TRAPPC9: variants seen among roughly 807,000 people sequenced by gnomAD.
TRAPPC9 encodes the protein IKK2 binding protein.
A neutral mutation model predicts 124.0 loss-of-function variants in TRAPPC9; 83 were observed. That is an observed-to-expected ratio of 0.67 (90% CI 0.56 to 0.80). TRAPPC9 has a LOEUF of 0.80. TRAPPC9 is among the 30% of genes least tolerant of loss of function. The pLI is 0.00. For missense variants in TRAPPC9, 1,302 were observed against 1,508.3 expected, an observed-to-expected ratio of 0.86 and a Z score of 2.27; for synonymous variants, 638 against 617.5, an observed-to-expected ratio of 1.03 and a Z score of -0.49.
intron 19 of TRAPPC9, among the ~76,000 whole-genome samples, chr8:139,954,610 T>C (rs1834861625): frequency 6.6e-6 from 1 of 152,250 alleles, no homozygotes; most frequent in Non-Finnish European, 1.5e-5. Flanking sequence ...CTAAATCATC[T>C]AAATGGCCAT....
chr8:140,364,185 C>T (rs922268945), intron 8 of TRAPPC9, among the ~76,000 whole-genome samples: 24 of 148,442 alleles, frequency 1.6e-4, no homozygotes, highest in Middle Eastern at 3.5e-3. Flanking sequence ...TAACTGGCCC[C>T]GGGACAGGAA....
At chr8:140,419,212 A>G (rs1298868647) in intron 5 of TRAPPC9, among the ~76,000 whole-genome samples, 1 of 152,030 alleles carries the variant, frequency 6.6e-6, no homozygotes, top group Non-Finnish European at 1.5e-5. Flanking sequence ...GTGGATCAGG[A>G]GGTCAGGAGA....
At chr8:140,033,673 T>TTTTTTTTTTTTG in intron 17 of TRAPPC9, among the ~76,000 whole-genome samples, 1 of 76,732 alleles carries the variant, frequency 1.3e-5, no homozygotes, top group Non-Finnish European at 2.6e-5. Flanking sequence ...TTTTTTTTTT[T>TTTTTTTTTTTTG]TTTTTTTTTT....
chr8:139,748,533 G>C (rs900470958), intron 21 of TRAPPC9, among the ~76,000 whole-genome samples: 13 of 151,016 alleles, frequency 8.6e-5, no homozygotes, highest in Admixed American at 7.2e-4. Flanking sequence ...GTGAGGGTGT[G>C]CAGGGGTCAG....
chr8:139,798,444 T>C lies in TRAPPC9; in HGVS notation c.3056-66242A>G, dbSNP rs76463031. ...GAAGATTCTGGAGATACTGGGGACATTGAAATCAGAAGGGGGTTGATGTGT... is the reference window on the plus strand; with the variant it reads ...GAAGATTCTGGAGATACTGGGGACACTGAAATCAGAAGGGGGTTGATGTGT... On this transcript the variant is annotated intron_variant, in intron 21 of 22. Transcript: ENST00000438773. 4.1e-3 allele frequency among the ~76,000 whole-genome samples: 631 copies of C among 152,308 alleles called. 9 individuals are homozygous for C. Among genetic ancestry groups the C allele is most frequent in the African/African-American group, 0.015 (619 of 41,548 alleles).
intron 16 of TRAPPC9, among the ~76,000 whole-genome samples, chr8:140,237,091 G>A (rs1156686962): frequency 6.6e-6 from 1 of 152,140 alleles, no homozygotes; most frequent in East Asian, 1.9e-4. Context: ...TGAGGCAGGA[G>A]AATCACTTGA....
chr8:140,115,140 C>T (rs947638407), intron 17 of TRAPPC9, among the ~76,000 whole-genome samples: 3 of 152,156 alleles, frequency 2.0e-5, no homozygotes, highest in African/African-American at 4.8e-5. Flanking sequence ...CCTTGATTCT[C>T]GAATTCTGGT....
chr8:140,289,972 C>A (rs1036119217), intron 12 of TRAPPC9, among the ~76,000 whole-genome samples: 5 of 152,188 alleles, frequency 3.3e-5, no homozygotes, highest in African/African-American at 1.2e-4. Context: ...CAACAGCCAC[C>A]ACGTGTCCAC....
intron 21 of TRAPPC9, among the ~76,000 whole-genome samples, chr8:139,830,282 AGCATACACATGCACACACACTACACAT>A (rs1825895083): frequency 2.3e-5 from 3 of 133,270 alleles, no homozygotes; most frequent in African/African-American, 3.7e-5. Flanking sequence ...CACACAAATG[AGCATACACATGCACACACACTACACAT>A]GCACACACAT....
chr8:139,968,576 G>T (rs900641091), intron 19 of TRAPPC9, among the ~76,000 whole-genome samples: 1 of 152,244 alleles, frequency 6.6e-6, no homozygotes, highest in African/African-American at 2.4e-5. Context: ...GGGAGACGTT[G>T]TCTACTCCGG....
chr8:140,412,071 T>C (rs1364264896), intron 5 of TRAPPC9, among the ~76,000 whole-genome samples: 1 of 152,226 alleles, frequency 6.6e-6, no homozygotes, highest in African/African-American at 2.4e-5. Context: ...ACTTATTATT[T>C]ACATCGAGAA....
chr8:140,046,911 G>A (rs958500409), intron 17 of TRAPPC9, among the ~76,000 whole-genome samples: 1 of 152,230 alleles, frequency 6.6e-6, no homozygotes, highest in Admixed American at 6.5e-5. Flanking sequence ...TCTGTAAAAT[G>A]GGACAGATAT....
Position 140,357,767 on chromosome 8 carries a change from C to T in TRAPPC9, c.1495+2283G>A, listed in dbSNP as rs77630930. ...CTGCTCCCTCCCGTCACCGAAACGC[C>T]GGAGTGCAAATGGGCCATGGAGCCA... On this transcript the variant is annotated intron_variant, in intron 9 of 22. Coordinates refer to ENST00000438773, the MANE Select transcript of TRAPPC9 (RefSeq NM_001160372.4). Among the ~76,000 whole-genome samples, 229 of 152,318 alleles carry T rather than the reference C, an allele frequency of 1.5e-3. 1 individual carries two copies. Among genetic ancestry groups the T allele is most frequent in the African/African-American group, 5.2e-3 (218 of 41,570 alleles).
chr8:140,122,348 C>G (rs939060413), intron 17 of TRAPPC9, among the ~76,000 whole-genome samples: 1 of 152,196 alleles, frequency 6.6e-6, no homozygotes. Flanking sequence ...CTTGTCTGAC[C>G]CAGCTGAGCC....
At chr8:139,980,811 C>A (rs1329000793) in intron 19 of TRAPPC9, among the ~76,000 whole-genome samples, 1 of 152,108 alleles carries the variant, frequency 6.6e-6, no homozygotes, top group Non-Finnish European at 1.5e-5. Flanking sequence ...ACAGGGTGGG[C>A]GTGGGAGGAG....
chr8:140,247,403 A>G (rs1364037471), intron 16 of TRAPPC9, among the ~76,000 whole-genome samples: 1 of 152,188 alleles, frequency 6.6e-6, no homozygotes, highest in South Asian at 2.1e-4. Flanking sequence ...AAAAAGTCCA[A>G]TGATAATCTG....
chr8:139,862,894 C>T (rs892050600), intron 21 of TRAPPC9, among the ~76,000 whole-genome samples: 3 of 152,332 alleles, frequency 2.0e-5, no homozygotes, highest in South Asian at 4.1e-4. Flanking sequence ...ATGTGTGCTC[C>T]GTGTGGCGCC....
chr8:139,963,364 T>C (rs1057285972), intron 19 of TRAPPC9, among the ~76,000 whole-genome samples: 1 of 152,166 alleles, frequency 6.6e-6, no homozygotes, highest in East Asian at 1.9e-4. Flanking sequence ...GATTTAACCC[T>C]AGGCTTCCCA....
intron 13 of TRAPPC9, 113 bp downstream of exon 13, chr8:140,287,495 T>C: frequency 1.4e-6 from 2 of 1,415,380 alleles, no homozygotes; most frequent in East Asian, 4.6e-5. Context: ...GTCTTCATTA[T>C]CTTCTAACTG....
Sources: allele counts gnomAD v4.1 joint callset (sites outside exome capture counted in the v4.1 genomes callset), GRCh38; gene constraint gnomAD v4.1.1; transcripts MANE v1.5; gene names NCBI Gene and HGNC (gene_info 2026-07-23, HGNC 2026-07-21).